The following PDLIM5 variants were observed in gnomAD, a reference collection of about 807,000 sequenced individuals.
The protein encoded by PDLIM5 is PDZ and LIM domain protein 5.
PDLIM5 carries 34 observed loss-of-function variants against 64.2 expected under a neutral mutation model. The observed-to-expected ratio is 0.53, with a 90% CI of 0.40 to 0.71. PDLIM5 has a LOEUF of 0.71. Ranked by LOEUF, PDLIM5 falls within the 30% of genes least tolerant of loss-of-function variation. The pLI, the probability that PDLIM5 is intolerant of heterozygous loss-of-function variation, is 0.00. For synonymous variants in PDLIM5, 253 were observed against 269.1 expected (o/e 0.94, Z 0.59); for missense variants, 683 against 733.6 (o/e 0.93, Z 0.80).
rs11941353 is a variant in PDLIM5, at chr4:94,456,866, A to G, written c.96+1482A>G. On this transcript the variant is annotated intron_variant, in intron 2 of 12. Transcript: ENST00000317968. ...GAATGCATCATCTCATTTAATTATC[A>G]TACCAACATGCAAAATAGTGATATT... The G allele has an allele frequency of 6.6e-3, 7,130 of 1,084,832 alleles. 243 individuals are homozygous for G. The African/African-American group carries it at 0.09, about 14-fold the overall frequency. The allele number at this position is 1,084,832 out of a possible 1,614,324, so 67.2% of individuals were successfully genotyped here. A position where few individuals can be genotyped will look rare whatever the true frequency, so the allele number is the denominator to read the frequency against.
Position 94,456,951 on chromosome 4 carries a change from C to T in PDLIM5, c.96+1567C>T, listed in dbSNP as rs1723427338. On this transcript the variant is annotated intron_variant, in intron 2 of 12. Coordinates refer to ENST00000317968, the MANE Select transcript of PDLIM5 (RefSeq NM_006457.5). ...ATGACTGTATGGAAGAGCTGGCTTTCCAACAGTTATGCTGTGCTGCCTCTT... is the reference window on the plus strand; with the variant it reads ...ATGACTGTATGGAAGAGCTGGCTTTTCAACAGTTATGCTGTGCTGCCTCTT... 3.0e-6 allele frequency: 3 copies of T among 991,364 alleles called. No homozygotes were observed. The Admixed American group carries it at 1.7e-4, about 57-fold the overall frequency. The allele number at this position is 991,364 out of a possible 1,614,324, so 61.4% of individuals were successfully genotyped here.
chr4:94,585,539 A>T, intron 5 of PDLIM5, 26 bp from the exon 6 acceptor site: 1 of 1,447,968 alleles, frequency 6.9e-7, no homozygotes, highest in Non-Finnish European at 9.2e-7. Context: ...TACAATTTTT[A>T]ATTTTTTTTT....
At chr4:94,573,575 A>G (rs1294636459) in intron 4 of PDLIM5, 182 bp downstream of exon 4, 1 of 668,312 alleles carries the variant, frequency 1.5e-6, no homozygotes, top group East Asian at 2.6e-5. Context: ...TACCATTTGT[A>G]ATTATACATG....
intron 2 of PDLIM5, among the ~76,000 whole-genome samples, chr4:94,513,583 A>G (rs557268706): frequency 1.5e-3 from 222 of 152,218 alleles, no homozygotes; most frequent in African/African-American, 5.2e-3. Flanking sequence ...AACTTTACTG[A>G]ATTTGTTTAT....
intron 8 of PDLIM5, among the ~76,000 whole-genome samples, chr4:94,638,238 T>C (rs1302678266): frequency 6.6e-6 from 1 of 152,206 alleles, no homozygotes; most frequent in East Asian, 1.9e-4. Context: ...AGTTGGGCTG[T>C]GTGAGCAAAT....
At chr4:94,624,881 C>G (rs1010935634) in intron 8 of PDLIM5, among the ~76,000 whole-genome samples, 3 of 152,018 alleles carry the variant, frequency 2.0e-5, no homozygotes, top group Admixed American at 2.0e-4. Flanking sequence ...ATTTATAAGC[C>G]GGAAGTGGCA....
intron 3 of PDLIM5, among the ~76,000 whole-genome samples, chr4:94,530,100 T>C (rs1184390485): frequency 6.6e-6 from 1 of 152,200 alleles, no homozygotes; most frequent in Non-Finnish European, 1.5e-5. Context: ...GATAAACTTG[T>C]TACATGCTTA....
At chr4:94,475,797 T>C (rs1420980125) in intron 2 of PDLIM5, among the ~76,000 whole-genome samples, 1 of 152,210 alleles carries the variant, frequency 6.6e-6, no homozygotes, top group African/African-American at 2.4e-5. Context: ...GTATCATATT[T>C]ACCTGGAGTT....
chr4:94,537,406 G>A (rs568511604), intron 3 of PDLIM5, among the ~76,000 whole-genome samples: 4 of 152,034 alleles, frequency 2.6e-5, no homozygotes, highest in Non-Finnish European at 5.9e-5. Context: ...AGAATTTCTG[G>A]TACACAAATT....
At chr4:94,500,384 T>G (rs1235523686) in intron 2 of PDLIM5, among the ~76,000 whole-genome samples, 3 of 152,200 alleles carry the variant, frequency 2.0e-5, no homozygotes, top group African/African-American at 7.2e-5. Context: ...AAAGGGATAT[T>G]CATATAACAG....
chr4:94,560,065 T>C lies in PDLIM5; in HGVS notation c.249-13286T>C, dbSNP rs375137259. 3.3e-5 allele frequency among the ~76,000 whole-genome samples: 5 copies of C among 152,144 alleles called. No individual in the cohort carries two copies. The East Asian group carries it at 9.6e-4, about 29-fold the overall frequency. On this transcript the variant is annotated intron_variant, in intron 3 of 12. Transcript: ENST00000317968. ...CAATCATTGTGGTGGTTTAGAAGCA[T>C]CCAAGGTCCACACTGTCCCCTAAAC...
chr4:94,603,707 G>A (rs1386458199), intron 7 of PDLIM5, among the ~76,000 whole-genome samples: 1 of 152,158 alleles, frequency 6.6e-6, no homozygotes, highest in Non-Finnish European at 1.5e-5. Context: ...GTGTGTGAGT[G>A]TGCTGGGACT....
chr4:94,642,208 C>T (rs977826829), intron 9 of PDLIM5, among the ~76,000 whole-genome samples: 1 of 152,144 alleles, frequency 6.6e-6, no homozygotes, highest in African/African-American at 2.4e-5. Flanking sequence ...ACAGGAGTCA[C>T]TGCTGTTATT....
intron 9 of PDLIM5, among the ~76,000 whole-genome samples, chr4:94,646,260 G>A (rs1030616835): frequency 1.2e-4 from 19 of 152,182 alleles, no homozygotes; most frequent in African/African-American, 4.6e-4. Context: ...GGTCTTTAAA[G>A]AGGTAAAATG....
rs1736136821 is a variant in PDLIM5 at position 94,585,753 on chromosome 4, G to T, written c.883+16G>T. The T allele has an allele frequency of 6.2e-7, 1 of 1,603,818 alleles. No individual in the cohort carries two copies. The highest frequency in any genetic ancestry group is 8.5e-7 in the Non-Finnish European group (1 of 1,171,454). On this transcript the variant is annotated intron_variant, in intron 6 of 12. Coordinates refer to ENST00000317968, the MANE Select transcript of PDLIM5 (RefSeq NM_006457.5). ...ACTGAACATTGTAAGTGAACTTCTA[G>T]GTATCCTAATGGATGAATGTTTTTT...
chr4:94,533,622 GTT>G (rs1410527921), intron 3 of PDLIM5, among the ~76,000 whole-genome samples: 1 of 152,210 alleles, frequency 6.6e-6, no homozygotes, highest in African/African-American at 2.4e-5. Context: ...CTGAGTTTCA[GTT>G]AACCACTTGT....
At chr4:94,609,926 GA>G (rs1367272974) in intron 7 of PDLIM5, among the ~76,000 whole-genome samples, 2 of 152,178 alleles carry the variant, frequency 1.3e-5, no homozygotes, top group Non-Finnish European at 2.9e-5. Flanking sequence ...ATACATTGAA[GA>G]GTATTCGTAT....
At chr4:94,514,228 G>T (rs994185529) in intron 2 of PDLIM5, among the ~76,000 whole-genome samples, 7 of 150,538 alleles carry the variant, frequency 4.6e-5, no homozygotes, top group Non-Finnish European at 8.8e-5. Context: ...TCTGCCTCCT[G>T]GGTTCATGCC....
chr4:94,623,113 A>G (rs1739387805), intron 8 of PDLIM5, among the ~76,000 whole-genome samples: 1 of 152,202 alleles, frequency 6.6e-6, no homozygotes, highest in Non-Finnish European at 1.5e-5. Flanking sequence ...TCTTGATGGC[A>G]TTAATAACTT....
Sources: gnomAD v4.1 joint callset for allele counts (sites outside exome capture counted in the v4.1 genomes callset) on GRCh38, gnomAD v4.1.1 for gene constraint, MANE v1.5 for transcripts, NCBI Gene and HGNC (gene_info 2026-07-23, HGNC 2026-07-21) for gene names.